PPP4R3B: variants seen among roughly 807,000 people sequenced by gnomAD.
PPP4R3B encodes protein phosphatase 4 regulatory subunit 3B, also known as serine/threonine-protein phosphatase 4 regulatory subunit 3B.
In PPP4R3B, 52 loss-of-function variants were observed where a neutral mutation model predicts 95.4. That is an observed-to-expected ratio of 0.54 (90% confidence interval 0.44 to 0.69). The LOEUF is 0.69. Ranked by LOEUF, PPP4R3B falls within the 30% of genes least tolerant of loss-of-function variation. The probability of loss-of-function intolerance (pLI) is 0.00; values close to 1 mark genes in which losing one functional copy is unlikely to be tolerated. For missense variants in PPP4R3B, 1,003 were observed against 1,005.9 expected (o/e 1.00, Z 0.04); for synonymous variants, 407 against 343.9 (o/e 1.18, Z -2.03).
At chr2:55,583,548 G>T (rs1447145537) in intron 7 of PPP4R3B, among the ~76,000 whole-genome samples, 4 of 152,182 alleles carry the variant, frequency 2.6e-5, no homozygotes, top group African/African-American at 9.7e-5. Flanking sequence ...TTGATTCATG[G>T]TCATTTTATG....
chr2:55,570,605 G>A (rs1262329150), intron 12 of PPP4R3B, among the ~76,000 whole-genome samples: 1 of 152,154 alleles, frequency 6.6e-6, no homozygotes, highest in African/African-American at 2.4e-5. Context: ...TTATTCTACA[G>A]ATACCACTAG....
chr2:55,575,085 C>G (rs1335321161), intron 11 of PPP4R3B, among the ~76,000 whole-genome samples: 1 of 150,790 alleles, frequency 6.6e-6, no homozygotes, highest in African/African-American at 2.4e-5. Flanking sequence ...CTACAGGCGC[C>G]CGCCACAACG....
chr2:55,600,495 G>C (rs1692414389), intron 3 of PPP4R3B, among the ~76,000 whole-genome samples: 1 of 139,976 alleles, frequency 7.1e-6, no homozygotes, highest in Non-Finnish European at 1.5e-5. Context: ...AAGTAATATG[G>C]CGCTTACTGA....
At chr2:55,558,743 G>C (rs909423447) in intron 16 of PPP4R3B, 32 bp downstream of exon 16, 4 of 1,429,154 alleles carry the variant, frequency 2.8e-6, no homozygotes, top group Non-Finnish European at 3.7e-6. Context: ...GACGGGAAAA[G>C]CAAAGTTTGT....
chr2:55,582,577 T>C (rs1689583931), intron 7 of PPP4R3B, among the ~76,000 whole-genome samples: 1 of 152,176 alleles, frequency 6.6e-6, no homozygotes, highest in South Asian at 2.1e-4. Context: ...ATACATTTTG[T>C]AACTGATGGC....
chr2:55,573,869 C>T, intron 11 of PPP4R3B, 92 bp from the exon 12 acceptor site: 3 of 626,128 alleles, frequency 4.8e-6, no homozygotes, highest in South Asian at 3.0e-5. Flanking sequence ...ATAACAAAAT[C>T]TAAACTGTAT....
intron 1 of PPP4R3B, 31 bp from the exon 2 acceptor site, chr2:55,615,537 C>T (rs1176718447): frequency 1.4e-6 from 2 of 1,448,496 alleles, no homozygotes; most frequent in Non-Finnish European, 1.9e-6. Context: ...CATCATAAGT[C>T]TCAAATGATA....
At chr2:55,570,122 C>T (rs929717312) in intron 12 of PPP4R3B, among the ~76,000 whole-genome samples, 9 of 152,054 alleles carry the variant, frequency 5.9e-5, no homozygotes, top group South Asian at 2.1e-4. Flanking sequence ...TGCTGGCAGG[C>T]GCCTGTAGTC....
chr2:55,554,102 T>G lies in PPP4R3B; in HGVS notation c.2455-4096A>C, dbSNP rs1183123607. ...TATATTTATTTTTTGAGACATTGTC[T>G]TAGAGACTCGAAAGTGCAGTGATGT... On this transcript the variant is annotated intron_variant, in intron 16 of 16. Transcript: ENST00000616407. Among the ~76,000 whole-genome samples, 8 of 152,224 alleles carry G rather than the reference T, an allele frequency of 5.3e-5. No homozygotes were observed. The East Asian group carries it at 1.5e-3, about 29-fold the overall frequency.
chr2:55,582,279 T>C (rs1007832325), intron 7 of PPP4R3B, among the ~76,000 whole-genome samples: 3 of 152,230 alleles, frequency 2.0e-5, no homozygotes, highest in African/African-American at 7.2e-5. Context: ...TATTTATTTA[T>C]TGAAACGGAG....
At chr2:55,564,786 A>C in intron 14 of PPP4R3B, 116 bp downstream of exon 14, 1 of 1,250,830 alleles carries the variant, frequency 8.0e-7, no homozygotes, top group Non-Finnish European at 1.1e-6. Context: ...ATTCAACTCT[A>C]TGCTATCCAG....
At chr2:55,615,687 A>T (rs1012352850) in intron 1 of PPP4R3B, among the ~76,000 whole-genome samples, 181 bp from the exon 2 acceptor site, 1 of 151,840 alleles carries the variant, frequency 6.6e-6, no homozygotes, top group African/African-American at 2.4e-5. Context: ...AACCGTCTCT[A>T]CTAAAAATAC....
At chr2:55,575,098 C>T (rs1029510292) in intron 11 of PPP4R3B, among the ~76,000 whole-genome samples, 13 of 151,180 alleles carry the variant, frequency 8.6e-5, no homozygotes, top group Non-Finnish European at 1.3e-4. Context: ...CCACAACGCC[C>T]GGCTAATTTT....
intron 13 of PPP4R3B, chr2:55,565,686 C>G: frequency 4.9e-6 from 1 of 205,536 alleles, no homozygotes; most frequent in South Asian, 9.2e-5. Flanking sequence ...TGTTTAACTG[C>G]TATCAAAATG....
At chr2:55,574,197 T>G (rs1688360602) in intron 11 of PPP4R3B, among the ~76,000 whole-genome samples, 1 of 151,694 alleles carries the variant, frequency 6.6e-6, no homozygotes, top group African/African-American at 2.4e-5. Flanking sequence ...CTGGCCTATT[T>G]CCTCCATTTT....
intron 4 of PPP4R3B, chr2:55,591,701 T>A: frequency 1.0e-6 from 1 of 971,036 alleles, no homozygotes; most frequent in African/African-American, 1.8e-5. Context: ...TAGAACTGCA[T>A]AAAATATTAC....
chr2:55,569,667 G>C (rs979797465), intron 12 of PPP4R3B, among the ~76,000 whole-genome samples: 4 of 152,160 alleles, frequency 2.6e-5, no homozygotes, highest in African/African-American at 9.7e-5. Context: ...TATCAATGGA[G>C]ATGGTTCACA....
At position 55,565,099 on chromosome 2, in the gene PPP4R3B, C is replaced by G. The variant is rs955611008; in HGVS notation, c.1936-58G>C. Reference sequence around the variant, plus strand: ...AATACAATGCTTGTTAGAAGAAAAACTTTAAAATTTTGTTTTGTAGTTCTA... The same window carrying G: ...AATACAATGCTTGTTAGAAGAAAAAGTTTAAAATTTTGTTTTGTAGTTCTA... On this transcript the variant is annotated intron_variant, in intron 13 of 16. Transcript: ENST00000616407. 61 of 1,378,972 alleles carry G rather than the reference C, an allele frequency of 4.4e-5. No individual in the cohort carries two copies. The Middle Eastern group carries it at 1.0e-3, about 23-fold the overall frequency. 85.4% of individuals were successfully genotyped at this position (1,378,972 alleles called of 1,614,324 possible).
At chr2:55,557,524 A>T (rs1056545068) in intron 16 of PPP4R3B, among the ~76,000 whole-genome samples, 22 of 152,366 alleles carry the variant, frequency 1.4e-4, no homozygotes, top group Middle Eastern at 6.8e-3. Context: ...AAATTGTCCC[A>T]TCATAAAGTT....
Sources: allele counts gnomAD v4.1 joint callset (sites outside exome capture counted in the v4.1 genomes callset), GRCh38; gene constraint gnomAD v4.1.1; transcripts MANE v1.5; gene names NCBI Gene and HGNC (gene_info 2026-07-23, HGNC 2026-07-21).